Variants in ITGB8 observed in about 807,000 individuals in gnomAD.
ITGB8 encodes integrin subunit beta 8.
In ITGB8, 30 loss-of-function variants were observed where a neutral mutation model predicts 89.5. The observed-to-expected ratio is 0.34, with a 90% CI of 0.25 to 0.45. The LOEUF (loss-of-function observed/expected upper bound fraction) is 0.45. Ranked by LOEUF, ITGB8 falls within the 20% of genes least tolerant of loss-of-function variation. ITGB8 has a pLI of 1.00. For missense variants in ITGB8, 836 were observed against 933.3 expected, an observed-to-expected ratio of 0.90 and a Z score of 1.36; for synonymous variants, 335 against 320.4, an observed-to-expected ratio of 1.05 and a Z score of -0.49.
chr7:20,356,610 G>GA (rs572978595), intron 1 of ITGB8, among the ~76,000 whole-genome samples: 113 of 152,084 alleles, frequency 7.4e-4, no homozygotes, highest in African/African-American at 2.6e-3. Flanking sequence ...ATATTGCCTG[G>GA]AAAAAAATGC....
chr7:20,402,787 C>T (rs879207174), intron 10 of ITGB8, among the ~76,000 whole-genome samples: 7 of 152,114 alleles, frequency 4.6e-5, no homozygotes, highest in East Asian at 1.9e-4. Flanking sequence ...AATAAAAATA[C>T]GAAGATCACT....
At chr7:20,350,232 C>G (rs1490416202) in intron 1 of ITGB8, among the ~76,000 whole-genome samples, 1 of 152,192 alleles carries the variant, frequency 6.6e-6, no homozygotes, top group Non-Finnish European at 1.5e-5. Context: ...ACTGCAACCT[C>G]CACCTCTCAG....
At chr7:20,336,000 C>CTTTTTT (rs201113693) in intron 1 of ITGB8, among the ~76,000 whole-genome samples, 55 of 96,380 alleles carry the variant, frequency 5.7e-4, no homozygotes, top group Non-Finnish European at 7.0e-4. Context: ...TCTTGGTTTT[C>CTTTTTT]TTTTTTTTTT....
chr7:20,394,159 G>T (rs1786977000), intron 7 of ITGB8, among the ~76,000 whole-genome samples: 1 of 152,216 alleles, frequency 6.6e-6, no homozygotes, highest in South Asian at 2.1e-4. Context: ...GGAACTTAAG[G>T]ATATTTGTGA....
chr7:20,366,221 T>C (rs1169070647), intron 2 of ITGB8: 2 of 152,180 alleles, frequency 1.3e-5, no homozygotes, highest in African/African-American at 4.8e-5. Context: ...CTCCTACCTG[T>C]TGTGTCTGAT....
intron 5 of ITGB8, 100 bp from the exon 6 acceptor site, chr7:20,381,627 C>T: frequency 1.2e-6 from 1 of 856,154 alleles, no homozygotes; most frequent in South Asian, 1.7e-5. Flanking sequence ...TCTAGCCTGA[C>T]TTACTGTTCG....
At chr7:20,390,456 A>G (rs1477588506) in intron 6 of ITGB8, among the ~76,000 whole-genome samples, 1 of 152,150 alleles carries the variant, frequency 6.6e-6, no homozygotes, top group East Asian at 1.9e-4. Context: ...TGTAATCATC[A>G]GATTTCTCAT....
At chr7:20,359,677 G>A (rs1320152066) in intron 1 of ITGB8, among the ~76,000 whole-genome samples, 3 of 95,414 alleles carry the variant, frequency 3.1e-5, no homozygotes, top group African/African-American at 8.8e-5. Flanking sequence ...AGGAGAGAGA[G>A]TGTGTGTGTG....
intron 1 of ITGB8, among the ~76,000 whole-genome samples, chr7:20,351,394 C>G (rs1455869471): frequency 6.6e-6 from 1 of 152,196 alleles, no homozygotes; most frequent in East Asian, 1.9e-4. Context: ...CTTAGCCTCC[C>G]TAAGCTGTAG....
At chr7:20,332,096 G>A (rs776538852) in intron 1 of ITGB8, 163 bp downstream of exon 1, 116 of 1,384,958 alleles carry the variant, frequency 8.4e-5, no homozygotes, top group Non-Finnish European at 1.0e-4. Context: ...ATGGCCTAGA[G>A]GCCAGGTGTC....
intron 8 of ITGB8, among the ~76,000 whole-genome samples, chr7:20,396,792 G>A (rs2127978191): frequency 6.6e-6 from 1 of 152,330 alleles, no homozygotes; most frequent in South Asian, 2.1e-4. Flanking sequence ...TTTTACCTGT[G>A]TGTCAGACTG....
chr7:20,332,147 A>G, intron 1 of ITGB8: 1 of 1,073,196 alleles, frequency 9.3e-7, no homozygotes, highest in Non-Finnish European at 1.3e-6. Context: ...ACTAATTATC[A>G]GAGGAGACAC....
chr7:20,335,968 C>A (rs1241887307), intron 1 of ITGB8, among the ~76,000 whole-genome samples: 1 of 150,640 alleles, frequency 6.6e-6, no homozygotes, highest in Non-Finnish European at 1.5e-5. Flanking sequence ...AGGACCCACT[C>A]CTAAGGACTT....
At chr7:20,373,388 G>C (rs985168258) in intron 3 of ITGB8, among the ~76,000 whole-genome samples, 1 of 152,142 alleles carries the variant, frequency 6.6e-6, no homozygotes, top group East Asian at 1.9e-4. Context: ...AAATAGGACA[G>C]AGAAGGGAAT....
intron 1 of ITGB8, among the ~76,000 whole-genome samples, chr7:20,353,994 A>T (rs1260260788): frequency 6.6e-6 from 1 of 151,640 alleles, no homozygotes. Flanking sequence ...CATAGAGATG[A>T]ATTCATCTAG....
intron 1 of ITGB8, among the ~76,000 whole-genome samples, chr7:20,361,311 G>A (rs1415477959): frequency 2.6e-5 from 4 of 152,278 alleles, no homozygotes; most frequent in East Asian, 1.9e-4. Context: ...ACAAGTTGGC[G>A]AAAGTCAAAT....
chr7:20,341,696 C>A (rs559298592), intron 1 of ITGB8, among the ~76,000 whole-genome samples: 7 of 152,088 alleles, frequency 4.6e-5, no homozygotes, highest in Non-Finnish European at 1.0e-4. Flanking sequence ...GCCCACCCAC[C>A]CTTTTAGGGC....
At chr7:20,347,956 A>G (rs936703689) in intron 1 of ITGB8, among the ~76,000 whole-genome samples, 2 of 152,214 alleles carry the variant, frequency 1.3e-5, no homozygotes, top group Non-Finnish European at 2.9e-5. Context: ...GCTAAGTGCT[A>G]GTTGCTAAAT....
At chr7:20,350,697 A>T (rs1785085769) in intron 1 of ITGB8, among the ~76,000 whole-genome samples, 1 of 152,246 alleles carries the variant, frequency 6.6e-6, no homozygotes, top group Admixed American at 6.5e-5. Flanking sequence ...AGCCGAGGCC[A>T]GCGAATAGGC....
Sources: allele counts gnomAD v4.1 joint callset (sites outside exome capture counted in the v4.1 genomes callset), GRCh38; gene constraint gnomAD v4.1.1; transcripts MANE v1.5; gene names NCBI Gene and HGNC (gene_info 2026-07-23, HGNC 2026-07-21).